Variants in SNCAIP observed in about 807,000 individuals in gnomAD.
SNCAIP encodes the protein synuclein alpha interacting protein.
SNCAIP carries 43 observed loss-of-function variants against 86.7 expected under a neutral mutation model. The ratio of observed to expected loss-of-function variants is 0.50; its 90% CI spans 0.39 to 0.64. The LOEUF is 0.64. Ranked by LOEUF, SNCAIP falls within the 30% of genes least tolerant of loss-of-function variation. The pLI is 0.00. For synonymous variants in SNCAIP, 417 were observed against 427.2 expected (o/e 0.98, Z 0.29); for missense variants, 981 against 1,103.1 (o/e 0.89, Z 1.57).
At chr5:122,358,758 A>G (rs146770301) in intron 1 of SNCAIP, among the ~76,000 whole-genome samples, 1,694 of 152,146 alleles carry the variant, frequency 0.011, 27 homozygotes, top group African/African-American at 0.039. Context: ...GCAGCACCCT[A>G]TATCATACCG....
intron 3 of SNCAIP, among the ~76,000 whole-genome samples, chr5:122,415,819 C>G (rs1249930247): frequency 6.6e-6 from 1 of 152,154 alleles, no homozygotes; most frequent in Non-Finnish European, 1.5e-5. Flanking sequence ...AAATGTATCT[C>G]TCCCTACATT....
chr5:122,376,599 T>A (rs1765377563), intron 1 of SNCAIP, among the ~76,000 whole-genome samples: 1 of 152,182 alleles, frequency 6.6e-6, no homozygotes. Context: ...CTTGTGGAAT[T>A]GATAAGTTTT....
chr5:122,315,187 CTTAG>C (rs757279387), intron 1 of SNCAIP, among the ~76,000 whole-genome samples: 8 of 152,154 alleles, frequency 5.3e-5, no homozygotes, highest in Non-Finnish European at 8.8e-5. Flanking sequence ...TTCTGCTATT[CTTAG>C]TTAGGTTCCC....
intron 1 of SNCAIP, among the ~76,000 whole-genome samples, chr5:122,350,194 G>A (rs1273043021): frequency 1.5e-4 from 23 of 152,064 alleles, no homozygotes; most frequent in Non-Finnish European, 1.6e-4. Flanking sequence ...CGCTGAATTC[G>A]AGGGTCCATC....
intron 1 of SNCAIP, among the ~76,000 whole-genome samples, chr5:122,358,201 G>A (rs55712070): frequency 0.47 from 60,552 of 127,914 alleles, 13,479 homozygotes; most frequent in Admixed American, 0.52. Context: ...GTGTGTGTGT[G>A]TGTATATATA....
intron 1 of SNCAIP, among the ~76,000 whole-genome samples, chr5:122,315,932 A>G (rs1336860647): frequency 6.6e-6 from 1 of 152,208 alleles, no homozygotes; most frequent in Admixed American, 6.5e-5. Flanking sequence ...TAAAAGTAAA[A>G]AGTCGAAAGC....
At chr5:122,452,855 T>C (rs1783988668) in intron 10 of SNCAIP, 2 of 961,376 alleles carry the variant, frequency 2.1e-6, no homozygotes, top group South Asian at 1.4e-5. Context: ...ATGCTTCATG[T>C]TTACTGGGAC....
intron 5 of SNCAIP, among the ~76,000 whole-genome samples, chr5:122,428,962 C>T (rs891015315): frequency 4.6e-5 from 7 of 151,766 alleles, no homozygotes; most frequent in Admixed American, 2.0e-4. Flanking sequence ...TTTAAAGGAT[C>T]GAAATGCAAA....
intron 2 of SNCAIP, among the ~76,000 whole-genome samples, chr5:122,396,753 T>C (rs11748334): frequency 0.13 from 19,387 of 152,160 alleles, 1,640 homozygotes; most frequent in Non-Finnish European, 0.2. Context: ...AGTACTAAAC[T>C]CCATTCTTGG....
chr5:122,463,428 T>C, intron 10 of SNCAIP, 63 bp from the exon 11 acceptor site: 1 of 924,592 alleles, frequency 1.1e-6, no homozygotes, highest in South Asian at 1.3e-5. Flanking sequence ...TGTTTAGTGG[T>C]ATTGTCTTGT....
At chr5:122,363,937 C>G (rs541464070) in intron 1 of SNCAIP, among the ~76,000 whole-genome samples, 19 of 152,130 alleles carry the variant, frequency 1.2e-4, no homozygotes, top group African/African-American at 4.6e-4. Flanking sequence ...ATCCTCCTGC[C>G]TCAGCCTCCT....
At chr5:122,339,269 C>G (rs1710120611) in intron 1 of SNCAIP, among the ~76,000 whole-genome samples, 1 of 152,152 alleles carries the variant, frequency 6.6e-6, no homozygotes, top group Non-Finnish European at 1.5e-5. Flanking sequence ...TGTAAACCTC[C>G]GGTGTTCACA....
chr5:122,326,023 G>A (rs1753941700), intron 1 of SNCAIP, among the ~76,000 whole-genome samples: 1 of 152,168 alleles, frequency 6.6e-6, no homozygotes, highest in African/African-American at 2.4e-5. Flanking sequence ...GGATAATTGG[G>A]TATGCTTAAA....
chr5:122,425,720 G>A (rs1035677636), intron 5 of SNCAIP, among the ~76,000 whole-genome samples, 189 bp downstream of exon 5: 1 of 152,134 alleles, frequency 6.6e-6, no homozygotes, highest in Non-Finnish European at 1.5e-5. Context: ...TTAATTCCCA[G>A]TTTTTGTCAA....
At chr5:122,422,370 TA>T (rs1403079726) in intron 3 of SNCAIP, among the ~76,000 whole-genome samples, 2 of 152,200 alleles carry the variant, frequency 1.3e-5, no homozygotes, top group Non-Finnish European at 2.9e-5. Flanking sequence ...TGCTCAATAT[TA>T]AATAATTTGC....
At chr5:122,427,686 A>T (rs1184228685) in intron 5 of SNCAIP, among the ~76,000 whole-genome samples, 1 of 152,154 alleles carries the variant, frequency 6.6e-6, no homozygotes, top group Non-Finnish European at 1.5e-5. Context: ...AACACCAGTA[A>T]CCAACTAGTG....
Position 122,328,543 on chromosome 5 carries a change from A to G in SNCAIP, c.-47+16259A>G, listed in dbSNP as rs1296962918. Among the ~76,000 whole-genome samples the G allele has an allele frequency of 2.0e-5, 3 of 152,264 alleles. No individual in the cohort carries two copies. The East Asian group carries it at 5.8e-4, about 29-fold the overall frequency. On this transcript the variant is annotated intron_variant, in intron 1 of 10. Transcript: ENST00000261368. Reference sequence around the variant, plus strand: ...ACTTATTTGTTAAATTGTTCTGAATATTATTGTCTCCTTTCCATCCCCATT... The same window carrying G: ...ACTTATTTGTTAAATTGTTCTGAATGTTATTGTCTCCTTTCCATCCCCATT...
intron 6 of SNCAIP, among the ~76,000 whole-genome samples, chr5:122,437,936 A>G (rs1219406416): frequency 2.6e-5 from 4 of 152,080 alleles, no homozygotes; most frequent in Non-Finnish European, 4.4e-5. Flanking sequence ...ATTGCCTATA[A>G]CCCCACTACT....
chr5:122,385,673 ATG>A (rs371793989), intron 1 of SNCAIP, among the ~76,000 whole-genome samples: 3,588 of 137,696 alleles, frequency 0.026, 47 homozygotes, highest in South Asian at 0.041. Flanking sequence ...GTGCGCACGT[ATG>A]TGTGTGTGTG....
Sources: gnomAD v4.1 joint callset for allele counts (sites outside exome capture counted in the v4.1 genomes callset) on GRCh38, gnomAD v4.1.1 for gene constraint, MANE v1.5 for transcripts, NCBI Gene and HGNC (gene_info 2026-07-23, HGNC 2026-07-21) for gene names.